The following TXN variants were observed in gnomAD, a reference collection of about 807,000 sequenced individuals.
TXN encodes ADF.
TXN carries 10 observed loss-of-function variants against 16.5 expected under a neutral mutation model. The observed-to-expected ratio is 0.61, with a 90% CI of 0.37 to 1.03. The LOEUF (loss-of-function observed/expected upper bound fraction) is 1.03. TXN is among the 50% of genes least tolerant of loss of function. The probability of loss-of-function intolerance (pLI) is 0.01; values close to 1 mark genes in which losing one functional copy is unlikely to be tolerated. For missense variants in TXN, 71 were observed against 122.5 expected (o/e 0.58, Z 1.98); for synonymous variants, 35 against 39.4 (o/e 0.89, Z 0.42).
chr9:110,253,047 A>G (rs1465634848), intron 1 of TXN, among the ~76,000 whole-genome samples: 1 of 152,126 alleles, frequency 6.6e-6, no homozygotes, highest in Admixed American at 6.5e-5. Context: ...TGCTGGTCAA[A>G]TAGGTTTAAA....
Position 110,243,897 on chromosome 9 carries a change from TTTAAAATC to T in TXN, c.*252_*259del. 1 of 206,226 alleles carries T rather than the reference TTTAAAATC, an allele frequency of 4.8e-6. No homozygotes were observed. Among genetic ancestry groups the T allele is most frequent in the South Asian group, 1.6e-4 (1 of 6,308 alleles). 12.8% of individuals were successfully genotyped at this position (206,226 alleles called of 1,614,324 possible). A position where few individuals can be genotyped will look rare whatever the true frequency, so the allele number is the denominator to read the frequency against. On this transcript the variant is annotated 3_prime_UTR_variant, in exon 5 of 5. Transcript: ENST00000374517. ...ATACATTAAGGTAGCAATAATAATT[TTTAAAATC>T]TTAAAATAATCAGTGGCCTACAAGG...
rs1837611106 is a variant in TXN, at chr9:110,243,890, A to G, written c.*267T>C. ...TGTAGCAATACATTAAGGTAGCAAT[A>G]ATAATTTTTAAAATCTTAAAATAAT... On this transcript the variant is annotated 3_prime_UTR_variant, in exon 5 of 5. Transcript: ENST00000374517. 1 of 198,918 alleles carries G rather than the reference A, an allele frequency of 5.0e-6. No individual in the cohort carries two copies. The highest frequency in any genetic ancestry group is 1.5e-4 in the South Asian group (1 of 6,564). The allele number at this position is 198,918 out of a possible 1,614,324, so 12.3% of individuals were successfully genotyped here.
At chr9:110,246,922 G>A (rs1375965429) in intron 3 of TXN, among the ~76,000 whole-genome samples, 1 of 152,124 alleles carries the variant, frequency 6.6e-6, no homozygotes, top group African/African-American at 2.4e-5. Flanking sequence ...AGAGAAATAA[G>A]GTTGGTCTAT....
At chr9:110,249,861 C>G (rs1423702759) in intron 3 of TXN, among the ~76,000 whole-genome samples, 1 of 152,206 alleles carries the variant, frequency 6.6e-6, no homozygotes, top group Non-Finnish European at 1.5e-5. Flanking sequence ...CTGGCCTAAG[C>G]AGATGCTAGT....
At chr9:110,247,745 G>C (rs920598950) in intron 3 of TXN, among the ~76,000 whole-genome samples, 2 of 152,152 alleles carry the variant, frequency 1.3e-5, no homozygotes, top group Non-Finnish European at 2.9e-5. Context: ...ACTGGTTTTT[G>C]TATTTACTTT....
At position 110,245,579 on chromosome 9, in the gene TXN, T is replaced by TTG. The variant is rs1261980342; in HGVS notation, c.190-738_190-737dup. Among the ~76,000 whole-genome samples, 433 of 106,998 alleles carry TTG rather than the reference T, an allele frequency of 4.0e-3. 8 individuals are homozygous for TTG. The highest frequency in any genetic ancestry group is 0.013 in the African/African-American group (377 of 28,186). The allele number at this position is 106,998 out of a possible 152,430, so 70.2% of individuals were successfully genotyped here. A position where few individuals can be genotyped will look rare whatever the true frequency, so the allele number is the denominator to read the frequency against. On this transcript the variant is annotated intron_variant, in intron 3 of 4. Coordinates refer to ENST00000374517, the MANE Select transcript of TXN (RefSeq NM_003329.4). ...CACACGCCACCACACCTGGCTAATT[T>TTG]TGTGTGTGTGTGTGTATATATATAC... is the stretch of plus-strand genomic sequence containing the variant.
chr9:110,252,447 T>C (rs4135188), intron 1 of TXN, among the ~76,000 whole-genome samples: 27,251 of 151,998 alleles, frequency 0.18, 3,569 homozygotes, highest in East Asian at 0.6. Context: ...ACTATACCCT[T>C]GTCATTCATT....
chr9:110,245,651 TATA>T (rs1442536822), intron 3 of TXN, among the ~76,000 whole-genome samples: 1,175 of 21,692 alleles, frequency 0.054, 25 homozygotes, highest in Middle Eastern at 0.087. Context: ...TATATATATA[TATA>T]TTTTTTTTTT....
At chr9:110,245,136 T>A (rs1168212349) in intron 3 of TXN, 1 of 241,798 alleles carries the variant, frequency 4.1e-6, no homozygotes. Flanking sequence ...CGATCCAATA[T>A]GCTCTTTAAT....
At chr9:110,247,732 G>A (rs1442201967) in intron 3 of TXN, among the ~76,000 whole-genome samples, 1 of 152,098 alleles carries the variant, frequency 6.6e-6, no homozygotes, top group African/African-American at 2.4e-5. Flanking sequence ...AAACACCCAC[G>A]TTACTGGTTT....
chr9:110,245,652 A>T (rs61696495), intron 3 of TXN, among the ~76,000 whole-genome samples: 7,694 of 23,430 alleles, frequency 0.33, 1,396 homozygotes, highest in African/African-American at 0.43. Flanking sequence ...ATATATATAT[A>T]TATTTTTTTT....
intron 3 of TXN, among the ~76,000 whole-genome samples, chr9:110,248,467 T>G (rs1837684918): frequency 1.3e-5 from 2 of 152,340 alleles, no homozygotes; most frequent in African/African-American, 2.4e-5. Context: ...CCTTACCTGT[T>G]TGTGGCCTAG....
chr9:110,254,458 G>A (rs933917157), intron 1 of TXN, among the ~76,000 whole-genome samples: 2 of 152,234 alleles, frequency 1.3e-5, no homozygotes, highest in African/African-American at 4.8e-5. Flanking sequence ...GGAGGTGGAG[G>A]TTGCAGTGGG....
chr9:110,256,078 T>C lies in TXN; in HGVS notation c.24+334A>G, dbSNP rs575310903. Among the ~76,000 whole-genome samples the C allele has an allele frequency of 6.6e-5, 10 of 152,258 alleles. No individual in the cohort carries two copies. The highest frequency in any genetic ancestry group is 1.3e-4 in the Non-Finnish European group (9 of 67,986). ...GGCGCAGCGTGGGGACTCCTCACGC[T>C]GTCTGCGCTCTCACATCCCCCGGAC... is the stretch of plus-strand genomic sequence containing the variant. On this transcript the variant is annotated intron_variant, in intron 1 of 4. Transcript: ENST00000374517. The surrounding 1 kb of genome is among the most constrained non-coding windows in gnomAD (Gnocchi z 4.2).
At chr9:110,249,408 A>G (rs1237852376) in intron 3 of TXN, among the ~76,000 whole-genome samples, 1 of 152,166 alleles carries the variant, frequency 6.6e-6, no homozygotes, top group African/African-American at 2.4e-5. Flanking sequence ...CATGCAAGGC[A>G]GGTGTGCTAG....
At chr9:110,250,903 C>G (rs371469570) in intron 2 of TXN, 24 bp from the exon 3 acceptor site, 1 of 1,585,070 alleles carries the variant, frequency 6.3e-7, no homozygotes, top group South Asian at 1.1e-5. Context: ...AATGAAAAAT[C>G]CAAAAAGATT....
intron 1 of TXN, among the ~76,000 whole-genome samples, chr9:110,255,544 C>A (rs1375844083): frequency 2.0e-5 from 3 of 152,228 alleles, no homozygotes; most frequent in Non-Finnish European, 4.4e-5. Flanking sequence ...CCAGCAAAAC[C>A]CACCGACTGA....
At chr9:110,255,475 T>C (rs953827361) in intron 1 of TXN, among the ~76,000 whole-genome samples, 1 of 152,218 alleles carries the variant, frequency 6.6e-6, no homozygotes, top group Non-Finnish European at 1.5e-5. Context: ...ACGATCGGGA[T>C]ACCGATAGGT....
Position 110,251,395 on chromosome 9 carries a change from C to G in TXN, c.92G>C (p.Trp31Ser). The G allele has an allele frequency of 6.2e-7, 1 of 1,611,824 alleles. No individual in the cohort carries two copies. The highest frequency in any genetic ancestry group is 1.7e-5 in the Admixed American group (1 of 59,986). Residue 31 changes from tryptophan to serine, a missense_variant, in exon 2 of 5, where the codon TGG becomes TCG. Transcript: ENST00000374517. ...KLVVVDFSATWCGPCKMIKPF... is the reference protein window; with the variant it reads ...KLVVVDFSATSCGPCKMIKPF... ...CTTGATCATTTTGCAAGGCCCACAC[C>G]ACGTGGCTGAGAAGTCAACTACTAC...
Sources: gnomAD v4.1 joint callset for allele counts (sites outside exome capture counted in the v4.1 genomes callset) on GRCh38, gnomAD v4.1.1 for gene constraint, Gnocchi (gnomAD v3.1) non-coding constraint, MANE v1.5 for transcripts, NCBI Gene and HGNC (gene_info 2026-07-23, HGNC 2026-07-21) for gene names.